ADGRB3: variants seen among roughly 807,000 people sequenced by gnomAD.
ADGRB3 encodes the protein brain-specific angiogenesis inhibitor 3.
Under a neutral mutation model 193.4 loss-of-function variants are expected in ADGRB3, and 37 were observed. The observed-to-expected ratio is 0.19, with a 90% CI of 0.15 to 0.25. ADGRB3 has a LOEUF of 0.25. ADGRB3 is among the 10% of genes least tolerant of loss of function. The pLI is 1.00. For missense variants in ADGRB3, 1,637 were observed against 1,852.9 expected, an observed-to-expected ratio of 0.88 and a Z score of 2.14; for synonymous variants, 690 against 644.2, an observed-to-expected ratio of 1.07 and a Z score of -1.08.
intron 17 of ADGRB3, among the ~76,000 whole-genome samples, chr6:69,112,124 G>C (rs1773382680): frequency 1.3e-5 from 2 of 152,152 alleles, no homozygotes; most frequent in Admixed American, 1.3e-4. Flanking sequence ...TACAGTCCAT[G>C]CATAGGCAGG....
At position 68,648,685 on chromosome 6, in the gene ADGRB3, A is replaced by T. The variant is rs565234147; in HGVS notation, c.757+9253A>T. Among the ~76,000 whole-genome samples the T allele has an allele frequency of 2.0e-5, 3 of 149,896 alleles. No homozygotes were observed. The South Asian group carries it at 6.4e-4, about 32-fold the overall frequency. On this transcript the variant is annotated intron_variant, in intron 3 of 31. Transcript: ENST00000370598. ...AAGGTAATAGAAATGTCACAGAAAC[A>T]TTTGCTTTCCTGGGTGGTTCATACT...
At chr6:69,027,085 T>G (rs1440119219) in intron 13 of ADGRB3, among the ~76,000 whole-genome samples, 2 of 152,216 alleles carry the variant, frequency 1.3e-5, no homozygotes, top group East Asian at 3.8e-4. Flanking sequence ...AAACTTTTTT[T>G]TAACTTTTGG....
At chr6:68,950,696 C>G (rs1767893261) in intron 6 of ADGRB3, among the ~76,000 whole-genome samples, 1 of 152,130 alleles carries the variant, frequency 6.6e-6, no homozygotes, top group Admixed American at 6.6e-5. Context: ...CACCCTACCA[C>G]AAACCTGCCA....
intron 3 of ADGRB3, among the ~76,000 whole-genome samples, chr6:68,807,264 G>C (rs1339613220): frequency 2.7e-5 from 3 of 112,356 alleles, no homozygotes; most frequent in African/African-American, 1.0e-4. Flanking sequence ...TTGAGACAGA[G>C]TCTCGCTATC....
At chr6:69,364,175 T>A (rs1476327533) in intron 29 of ADGRB3, among the ~76,000 whole-genome samples, 1 of 152,018 alleles carries the variant, frequency 6.6e-6, no homozygotes, top group African/African-American at 2.4e-5. Context: ...GCTCACATTT[T>A]ACCTCCAGAG....
intron 6 of ADGRB3, among the ~76,000 whole-genome samples, chr6:68,955,757 A>G (rs1047776574): frequency 9.2e-5 from 14 of 151,846 alleles, no homozygotes; most frequent in African/African-American, 3.4e-4. Flanking sequence ...ATGCCGTTAC[A>G]CTCCAGCCTG....
chr6:69,338,442 C>CT (rs1189318512), intron 24 of ADGRB3, among the ~76,000 whole-genome samples: 1 of 152,146 alleles, frequency 6.6e-6, no homozygotes, highest in Non-Finnish European at 1.5e-5. Context: ...TAATTGAAGA[C>CT]TCCTAAAATC....
At chr6:69,145,580 A>G (rs1188268612) in intron 17 of ADGRB3, among the ~76,000 whole-genome samples, 1 of 152,152 alleles carries the variant, frequency 6.6e-6, no homozygotes, top group Non-Finnish European at 1.5e-5. Flanking sequence ...CCTGGCATTC[A>G]GTGGGTCCCA....
intron 20 of ADGRB3, among the ~76,000 whole-genome samples, chr6:69,311,798 T>TG (rs1768200488): frequency 6.6e-6 from 1 of 151,802 alleles, no homozygotes; most frequent in Non-Finnish European, 1.5e-5. Flanking sequence ...CAAAACTTGA[T>TG]GCAATCAATT....
intron 6 of ADGRB3, among the ~76,000 whole-genome samples, chr6:68,950,594 C>T (rs1462747824): frequency 3.3e-5 from 5 of 152,152 alleles, no homozygotes; most frequent in Non-Finnish European, 5.9e-5. Context: ...TTGTTGAACA[C>T]TAGTCTAACC....
intron 29 of ADGRB3, among the ~76,000 whole-genome samples, chr6:69,370,975 G>C (rs1269883638): frequency 6.6e-6 from 1 of 151,990 alleles, no homozygotes; most frequent in Admixed American, 6.6e-5. Context: ...TGGCAAAAGA[G>C]GGCTGGGCTC....
chr6:69,177,369 T>A (rs961804239), intron 17 of ADGRB3, among the ~76,000 whole-genome samples: 1 of 151,636 alleles, frequency 6.6e-6, no homozygotes, highest in Non-Finnish European at 1.5e-5. Flanking sequence ...TTTATTTTTA[T>A]TTTTTTAGAC....
At chr6:68,886,529 A>G (rs1393139473) in intron 3 of ADGRB3, among the ~76,000 whole-genome samples, 1 of 152,120 alleles carries the variant, frequency 6.6e-6, no homozygotes, top group East Asian at 1.9e-4. Context: ...ACCTAAGCAC[A>G]GTTCATTCCC....
At chr6:68,775,479 G>C (rs1766728879) in intron 3 of ADGRB3, among the ~76,000 whole-genome samples, 1 of 152,094 alleles carries the variant, frequency 6.6e-6, no homozygotes, top group Non-Finnish European at 1.5e-5. Flanking sequence ...AAGACTTCCA[G>C]ATAGCAGCTG....
intron 26 of ADGRB3, among the ~76,000 whole-genome samples, chr6:69,344,299 C>T (rs756214440): frequency 2.6e-5 from 4 of 152,172 alleles, no homozygotes; most frequent in Non-Finnish European, 5.9e-5. Context: ...CTAGGCTGCA[C>T]CAGATGAGGT....
chr6:68,869,567 G>C (rs1444232937), intron 3 of ADGRB3, among the ~76,000 whole-genome samples: 1 of 152,066 alleles, frequency 6.6e-6, no homozygotes, highest in African/African-American at 2.4e-5. Flanking sequence ...AGCCAAATTA[G>C]TTAATTCAAA....
chr6:69,170,633 A>G (rs975115021), intron 17 of ADGRB3, among the ~76,000 whole-genome samples: 3 of 152,198 alleles, frequency 2.0e-5, no homozygotes, highest in African/African-American at 7.2e-5. Flanking sequence ...CATGTAAACA[A>G]TTCACTCTGA....
At chr6:69,354,814 G>A (rs1417992569) in intron 27 of ADGRB3, among the ~76,000 whole-genome samples, 1 of 152,132 alleles carries the variant, frequency 6.6e-6, no homozygotes, top group Non-Finnish European at 1.5e-5. Flanking sequence ...GTTCTAAAGT[G>A]TAAGGAGTAG....
chr6:69,274,419 G>A (rs1346176085), intron 20 of ADGRB3, among the ~76,000 whole-genome samples: 1 of 139,970 alleles, frequency 7.1e-6, no homozygotes, highest in Non-Finnish European at 1.6e-5. Flanking sequence ...CTGAGAAAAA[G>A]GTTGTCTCTC....
Sources: allele counts gnomAD v4.1 joint callset (sites outside exome capture counted in the v4.1 genomes callset), GRCh38; gene constraint gnomAD v4.1.1; transcripts MANE v1.5; gene names NCBI Gene and HGNC (gene_info 2026-07-23, HGNC 2026-07-21).